The following FRYL variants were observed in gnomAD, a reference collection of about 807,000 sequenced individuals.
FRYL encodes protein furry homolog-like.
FRYL carries 150 observed loss-of-function variants against 351.2 expected under a neutral mutation model. The ratio of observed to expected loss-of-function variants is 0.43; its 90% CI spans 0.37 to 0.49. The LOEUF is 0.49. Ranked by LOEUF, FRYL falls within the 20% of genes least tolerant of loss-of-function variation. FRYL has a pLI of 0.00. For missense variants in FRYL, 3,036 were observed against 3,619.3 expected, an observed-to-expected ratio of 0.84 and a Z score of 4.13; for synonymous variants, 1,153 against 1,257.1, an observed-to-expected ratio of 0.92 and a Z score of 1.75.
intron 2 of FRYL, among the ~76,000 whole-genome samples, chr4:48,685,463 C>A (rs1380067206): frequency 6.6e-6 from 1 of 152,120 alleles, no homozygotes; most frequent in Non-Finnish European, 1.5e-5. Context: ...TACACCACAA[C>A]TTAATTATTC....
chr4:48,499,354 T>C lies in FRYL; in HGVS notation c.*68A>G. On this transcript the variant is annotated 3_prime_UTR_variant, in exon 64 of 64. Coordinates refer to ENST00000358350, the MANE Select transcript of FRYL (RefSeq NM_015030.2). ...AGTTATCAGTGAATGCAAGGGTCCA[T>C]AAAAGGTGCTTGGTTAATATTCTTC... is the stretch of plus-strand genomic sequence containing the variant. The C allele has an allele frequency of 5.6e-6, 8 of 1,426,282 alleles. No homozygotes were observed. The highest frequency in any genetic ancestry group is 7.8e-6 in the Non-Finnish European group (8 of 1,019,626). The allele number at this position is 1,426,282 out of a possible 1,614,324, so 88.4% of individuals were successfully genotyped here.
rs149490601 is a variant in FRYL at position 48,545,839 on chromosome 4, C to T, written c.5279+228G>A. ...AATATATATTCAGATAATACTCATT[C>T]TCTTTGGCCATTAAATAGCCAGATA... is the stretch of plus-strand genomic sequence containing the variant. On this transcript the variant is annotated intron_variant, in intron 42 of 63. Transcript: ENST00000358350. 1.0e-3 allele frequency among the ~76,000 whole-genome samples: 158 copies of T among 152,254 alleles called. 1 individual carries two copies. Among genetic ancestry groups the T allele is most frequent in the African/African-American group, 3.7e-3 (152 of 41,534 alleles).
intron 11 of FRYL, among the ~76,000 whole-genome samples, chr4:48,603,859 T>C (rs902513173): frequency 2.0e-5 from 3 of 152,196 alleles, no homozygotes; most frequent in Non-Finnish European, 2.9e-5. Flanking sequence ...CCTTAGGATG[T>C]CTACGCTGGG....
intron 3 of FRYL, among the ~76,000 whole-genome samples, chr4:48,675,967 C>T (rs1490528567): frequency 6.6e-6 from 1 of 152,188 alleles, no homozygotes; most frequent in Non-Finnish European, 1.5e-5. Context: ...GTATATCTAG[C>T]TGCTCTGGTG....
chr4:48,742,726 A>G (rs1248269585), intron 1 of FRYL, among the ~76,000 whole-genome samples: 1 of 152,144 alleles, frequency 6.6e-6, no homozygotes, highest in Non-Finnish European at 1.5e-5. Flanking sequence ...TTAAAACTAC[A>G]CATAATACCA....
Position 48,528,010 on chromosome 4 carries a change from A to C in FRYL, c.7101T>G (p.Ser2367=), listed in dbSNP as rs753557269. 1 of 1,583,016 alleles carries C rather than the reference A, an allele frequency of 6.3e-7. No homozygotes were observed. Among genetic ancestry groups the C allele is most frequent in the Non-Finnish European group, 8.5e-7 (1 of 1,171,522 alleles). The change falls in exon 52 of 64, where the codon TCT becomes TCG. Residue 2367 remains serine, a synonymous_variant. Coordinates refer to ENST00000358350, the MANE Select transcript of FRYL (RefSeq NM_015030.2). The stretch of plus-strand genomic sequence containing the variant: ...GGAGGCCAGATTCTGGACCACAGAG[A>C]GAAAGCACATTCATTAGCTTTTCTC... ...RTREKLMNVL[S]LCGPESGLPK... is the part of the protein sequence containing the mutation.
intron 2 of FRYL, among the ~76,000 whole-genome samples, chr4:48,696,854 A>G (rs1343481051): frequency 8.8e-6 from 1 of 113,912 alleles, no homozygotes; most frequent in Non-Finnish European, 1.7e-5. Flanking sequence ...AGATCTATCT[A>G]TCTATCTATC....
intron 2 of FRYL, among the ~76,000 whole-genome samples, chr4:48,697,812 A>C (rs1163668976): frequency 6.6e-6 from 1 of 152,234 alleles, no homozygotes; most frequent in Non-Finnish European, 1.5e-5. Context: ...TAAAGAAAAA[A>C]ATGAAATAGA....
rs751070633 is a variant in FRYL at position 48,589,731 on chromosome 4, A to T, written c.1640+14T>A. 3 of 1,610,234 alleles carry T rather than the reference A, an allele frequency of 1.9e-6. No individual in the cohort carries two copies. The highest frequency in any genetic ancestry group is 1.6e-4 in the Middle Eastern group (1 of 6,062). On this transcript the variant is annotated intron_variant, in intron 18 of 63. Transcript: ENST00000358350. Reference sequence around the variant, plus strand: ...AACTGAAATAGCAATGAAGGCACATAATTTACTACATACGTAATCATGTCT... The same window carrying T: ...AACTGAAATAGCAATGAAGGCACATTATTTACTACATACGTAATCATGTCT...
chr4:48,600,125 G>C (rs1745414789), intron 13 of FRYL, among the ~76,000 whole-genome samples: 1 of 151,832 alleles, frequency 6.6e-6, no homozygotes, highest in Admixed American at 6.6e-5. Flanking sequence ...AAAGGTATAG[G>C]TCTAATAAAA....
chr4:48,553,239 A>G lies in FRYL; in HGVS notation c.4411T>C (p.Tyr1471His), dbSNP rs1021490421. The G allele has an allele frequency of 6.2e-7, 1 of 1,612,034 alleles. No homozygotes were observed. Among genetic ancestry groups the G allele is most frequent in the Non-Finnish European group, 8.5e-7 (1 of 1,179,446 alleles). The change falls in exon 36 of 64, where the codon TAT (tyrosine) becomes CAT (histidine). Residue 1471 changes from tyrosine to histidine, a missense_variant. Physicochemically the swap from Tyr to His is moderately conservative, Grantham distance 83 (BLOSUM62 2). This residue lies in a region of FRYL where 1,987 missense variants were observed against 2,311.7 expected (regional missense o/e 0.86). Coordinates refer to ENST00000358350, the MANE Select transcript of FRYL (RefSeq NM_015030.2). ...CCTGAGGTGACAGAAGGGATTTTAT[A>G]GCTGGAAGTGATGCGATAATACGGG... ...NPPYYRITSS[Y>H]KIPSVTSGTT...
chr4:48,583,703 G>C (rs899363011), intron 19 of FRYL, among the ~76,000 whole-genome samples: 13 of 151,888 alleles, frequency 8.6e-5, no homozygotes, highest in Non-Finnish European at 1.6e-4. Flanking sequence ...GGGAGTTCGA[G>C]ACCAGCCTGG....
intron 1 of FRYL, among the ~76,000 whole-genome samples, chr4:48,737,157 T>C (rs1771529011): frequency 6.7e-6 from 1 of 149,392 alleles, no homozygotes; most frequent in Non-Finnish European, 1.5e-5. Context: ...CTCAGGAGGC[T>C]GAGGCACAAG....
At chr4:48,694,309 T>C (rs1169506499) in intron 2 of FRYL, among the ~76,000 whole-genome samples, 4 of 152,182 alleles carry the variant, frequency 2.6e-5, no homozygotes, top group African/African-American at 9.7e-5. Context: ...GAATACTTTT[T>C]TTTTTTTTGA....
Position 48,684,708 on chromosome 4 carries a change from G to C in FRYL, c.-116C>G, listed in dbSNP as rs1196253243. 6.6e-6 allele frequency: 1 copy of C among 152,074 alleles called. No homozygotes were observed. Among genetic ancestry groups the C allele is most frequent in the Non-Finnish European group, 1.5e-5 (1 of 68,010 alleles). The allele number at this position is 152,074 out of a possible 1,614,324, so 9.4% of individuals were successfully genotyped here. A position where few individuals can be genotyped will look rare whatever the true frequency, so the allele number is the denominator to read the frequency against. On this transcript the variant is annotated 5_prime_UTR_variant, in exon 3 of 64. In the 5' UTR this introduces an upstream ATG that the reference lacks. Coordinates refer to ENST00000358350, the MANE Select transcript of FRYL (RefSeq NM_015030.2). ...GAGACAGTAATTTCTTGGTGACTTG[G>C]ATCATCTAATCCTATGACTCTTGAG...
intron 1 of FRYL, among the ~76,000 whole-genome samples, chr4:48,736,753 A>C (rs1297488650): frequency 6.7e-6 from 1 of 149,484 alleles, no homozygotes; most frequent in Admixed American, 6.8e-5. Flanking sequence ...GGGAGGCTGA[A>C]GCAGGAGAAT....
rs1254133140 is a variant in FRYL at position 48,557,728 on chromosome 4, A to G, written c.3866-16T>C. The G allele has an allele frequency of 6.2e-7, 1 of 1,611,234 alleles. No homozygotes were observed. The highest frequency in any genetic ancestry group is 1.1e-5 in the South Asian group (1 of 91,010). The stretch of plus-strand genomic sequence containing the variant: ...TGGCTTATCTCTGAAATTGAAAACA[A>G]GTCAAAGATAACTGATGTAATTTCA... On this transcript the variant is annotated splice_polypyrimidine_tract_variant and intron_variant, in intron 33 of 63. Coordinates refer to ENST00000358350, the MANE Select transcript of FRYL (RefSeq NM_015030.2).
At position 48,595,593 on chromosome 4, in the gene FRYL, A is replaced by G. The variant is rs1329702587; in HGVS notation, c.1245T>C (p.Ala415=). The G allele has an allele frequency of 1.9e-6, 3 of 1,570,592 alleles. No homozygotes were observed. The highest frequency in any genetic ancestry group is 1.7e-6 in the Non-Finnish European group (2 of 1,143,382). ...TACTATGAGATGAAGCACTCACCTG[A>G]GCAATGAACTGAATAATCTTCACAA... ...NIFVKIIQFI[A]QERLDFAMKE... The change falls in exon 15 of 64, where the codon GCT becomes GCC. Residue 415 remains alanine (A), a synonymous_variant. Transcript: ENST00000358350.
Sources: allele counts gnomAD v4.1 joint callset (sites outside exome capture counted in the v4.1 genomes callset), GRCh38; gene constraint gnomAD v4.1.1; regional missense constraint gnomAD v4.1.1; transcripts MANE v1.5; gene names NCBI Gene and HGNC (gene_info 2026-07-23, HGNC 2026-07-21).